ATP6V1B2: variants seen among roughly 807,000 people sequenced by gnomAD.
ATP6V1B2 encodes ATPase H+ transporting V1 subunit B2.
Under a neutral mutation model 66.7 loss-of-function variants are expected in ATP6V1B2, and 23 were observed. The ratio of observed to expected loss-of-function variants is 0.34; its 90% CI spans 0.25 to 0.49. The LOEUF is 0.49. Ranked by LOEUF, ATP6V1B2 falls within the 20% of genes least tolerant of loss-of-function variation. The probability of loss-of-function intolerance (pLI) is 0.99; values close to 1 mark genes in which losing one functional copy is unlikely to be tolerated. For synonymous variants in ATP6V1B2, 278 were observed against 236.7 expected, an observed-to-expected ratio of 1.17 and a Z score of -1.60; for missense variants, 478 against 650.8, an observed-to-expected ratio of 0.73 and a Z score of 2.89.
intron 1 of ATP6V1B2, among the ~76,000 whole-genome samples, chr8:20,203,079 T>G (rs1044206739): frequency 4.6e-5 from 7 of 152,296 alleles, no homozygotes; most frequent in African/African-American, 1.4e-4. Context: ...ATGGTTTTCA[T>G]AAAAGTGGCA....
intron 11 of ATP6V1B2, chr8:20,217,012 T>C (rs1179226621): frequency 5.5e-6 from 3 of 543,164 alleles, no homozygotes; most frequent in Non-Finnish European, 6.6e-6. Flanking sequence ...CTTTTTTGGA[T>C]TTGATTCTCG....
chr8:20,217,035 T>C, intron 11 of ATP6V1B2, 185 bp from the exon 12 acceptor site: 1 of 571,702 alleles, frequency 1.7e-6, no homozygotes, highest in South Asian at 2.1e-5. Flanking sequence ...AGAAATGCTA[T>C]GCTATAAAGT....
Position 20,197,475 on chromosome 8 carries a change from G to T in ATP6V1B2, c.69G>T (p.Gly23=). The T allele has an allele frequency of 6.6e-7, 1 of 1,519,390 alleles. No individual in the cohort carries two copies. Among genetic ancestry groups the T allele is most frequent in the Non-Finnish European group, 8.8e-7 (1 of 1,135,198 alleles). The allele number at this position is 1,519,390 out of a possible 1,614,324, so 94.1% of individuals were successfully genotyped here. A position where few individuals can be genotyped will look rare whatever the true frequency, so the allele number is the denominator to read the frequency against. Residue 23 remains glycine (G), a synonymous_variant, in exon 1 of 14, where the codon GGG becomes GGT. Coordinates refer to ENST00000276390, the MANE Select transcript of ATP6V1B2 (RefSeq NM_001693.4). ...CCGAGCTACCCGTGCCCACCGGTGG[G>T]CCGGCGGTGGGAGCTCGGGAGCAGG... ...AAPELPVPTG[G]PAVGAREQAL...
At position 20,217,252 on chromosome 8, in the gene ATP6V1B2, A is replaced by G. The variant is rs150784341; in HGVS notation, c.1194A>G (p.Leu398=). 1.0e-4 allele frequency: 167 copies of G among 1,613,368 alleles called. No homozygotes were observed. The African/African-American group carries it at 1.9e-3, about 18-fold the overall frequency. Residue 398 remains leucine (L), a synonymous_variant, in exon 12 of 14, where the codon CTA becomes CTG. Coordinates refer to ENST00000276390, the MANE Select transcript of ATP6V1B2 (RefSeq NM_001693.4). The stretch of plus-strand genomic sequence containing the variant: ...CACCTATCAATGTGCTGCCCTCACT[A>G]TCACGGTTAATGAAGTCTGCTATTG... ...IYPPINVLPS[L]SRLMKSAIGE...
rs1216774490 is a variant in ATP6V1B2 at position 20,210,361 on chromosome 8, T to G, written c.307T>G (p.Ser103Ala). The G allele has an allele frequency of 6.2e-7, 1 of 1,612,832 alleles. No homozygotes were observed. Among genetic ancestry groups the G allele is most frequent in the Non-Finnish European group, 8.5e-7 (1 of 1,179,414 alleles). Residue 103 changes from serine (S) to alanine (A), a missense_variant, in exon 4 of 14, where the codon TCA becomes GCA. Around this residue, in one of 2 missense-constraint regions of ATP6V1B2, gnomAD observed 326 missense variants for 545.6 expected, o/e 0.60. Transcript: ENST00000276390. Reference sequence around the variant, plus strand: ...TTCTTGATAGGTATTTGAAGGGACTTCAGGTATAGATGCTAAGAAAACGTC... The same window carrying G: ...TTCTTGATAGGTATTTGAAGGGACTGCAGGTATAGATGCTAAGAAAACGTC... ...KAVVQVFEGT[S>A]GIDAKKTSCE...
Position 20,197,460 on chromosome 8 carries a change from C to G in ATP6V1B2, c.54C>G (p.Pro18=), listed in dbSNP as rs542318325. The G allele has an allele frequency of 1.6e-5, 25 of 1,532,332 alleles. No homozygotes were observed. In the African/African-American group the frequency reaches 2.1e-4, roughly 13 times the overall value. The allele number at this position is 1,532,332 out of a possible 1,614,324, so 94.9% of individuals were successfully genotyped here. ...GIVNGAAPEL[P]VPTGGPAVGA... is the part of the protein sequence containing the mutation. ...TCAACGGGGCCGCACCCGAGCTACCCGTGCCCACCGGTGGGCCGGCGGTGG... is the reference window on the plus strand; with the variant it reads ...TCAACGGGGCCGCACCCGAGCTACCGGTGCCCACCGGTGGGCCGGCGGTGG... Residue 18 remains proline (P), a synonymous_variant, in exon 1 of 14, where the codon CCC becomes CCG. Transcript: ENST00000276390.
chr8:20,211,170 A>C lies in ATP6V1B2; in HGVS notation c.464-7A>C. ...TGTTGAAATTTTCCTTTTTGGAAAT[A>C]CATTAGGTCAGCCAATCAACCCTCA... On this transcript the variant is annotated splice_polypyrimidine_tract_variant and splice_region_variant and intron_variant, in intron 5 of 13. Coordinates refer to ENST00000276390, the MANE Select transcript of ATP6V1B2 (RefSeq NM_001693.4). 1 of 1,606,414 alleles carries C rather than the reference A, an allele frequency of 6.2e-7. No individual in the cohort carries two copies. Among genetic ancestry groups the C allele is most frequent in the Non-Finnish European group, 8.5e-7 (1 of 1,177,774 alleles).
intron 2 of ATP6V1B2, among the ~76,000 whole-genome samples, chr8:20,207,901 C>T (rs921269780): frequency 1.1e-4 from 16 of 152,072 alleles, no homozygotes; most frequent in African/African-American, 3.9e-4. Flanking sequence ...ATAAGCAATT[C>T]ATAGGAAATG....
intron 1 of ATP6V1B2, chr8:20,203,844 C>G (rs968702390): frequency 5.5e-6 from 2 of 366,618 alleles, no homozygotes; most frequent in Non-Finnish European, 1.1e-5. Flanking sequence ...TAAAAGGATC[C>G]TTTTCTTATC....
chr8:20,205,330 C>A (rs1172870474), intron 2 of ATP6V1B2, among the ~76,000 whole-genome samples: 1 of 152,072 alleles, frequency 6.6e-6, no homozygotes, highest in Non-Finnish European at 1.5e-5. Flanking sequence ...AAGTGCTGAG[C>A]CCAGTACAGA....
At chr8:20,217,347 G>A (rs1464714519) in intron 12 of ATP6V1B2, 23 bp downstream of exon 12, 1 of 1,579,460 alleles carries the variant, frequency 6.3e-7, no homozygotes, top group Admixed American at 1.7e-5. Flanking sequence ...TTCTAAGAAT[G>A]GTGTTTGAAA....
chr8:20,216,277 C>G, intron 10 of ATP6V1B2, 136 bp from the exon 11 acceptor site: 1 of 665,244 alleles, frequency 1.5e-6, no homozygotes, highest in Non-Finnish European at 2.6e-6. Flanking sequence ...CAGAAAATGA[C>G]TCTAAGAACA....
intron 7 of ATP6V1B2, 81 bp downstream of exon 7, chr8:20,211,834 A>T: frequency 8.6e-7 from 1 of 1,162,316 alleles, no homozygotes; most frequent in South Asian, 1.5e-5. Context: ...GTACATATAT[A>T]GTTGAATTTT....
chr8:20,204,050 C>T (rs556614825), intron 1 of ATP6V1B2: 21 of 452,366 alleles, frequency 4.6e-5, no homozygotes, highest in South Asian at 1.9e-4. Flanking sequence ...CTAAATGCTG[C>T]GTCCTCTATA....
chr8:20,210,995 G>A (rs1554545308), intron 5 of ATP6V1B2, among the ~76,000 whole-genome samples, 182 bp from the exon 6 acceptor site: 1 of 151,856 alleles, frequency 6.6e-6, no homozygotes, highest in Non-Finnish European at 1.5e-5. Flanking sequence ...AAAGAGTAAA[G>A]GAAAAAATTA....
rs2072907462 is a variant in ATP6V1B2 at position 20,221,595 on chromosome 8, G to C, written c.*1193G>C. On this transcript the variant is annotated 3_prime_UTR_variant, in exon 14 of 14. Transcript: ENST00000276390. ...TGTAAAGTTCTTCACTTTTTTCTCT[G>C]AGGGCTGGGGGTTGGGGGAGTCAGC... 6.6e-6 allele frequency: 1 copy of C among 152,524 alleles called. No homozygotes were observed. Among genetic ancestry groups the C allele is most frequent in the Non-Finnish European group, 1.5e-5 (1 of 68,014 alleles). The allele number at this position is 152,524 out of a possible 1,614,324, so 9.4% of individuals were successfully genotyped here.
At chr8:20,200,169 A>T (rs560019367) in intron 1 of ATP6V1B2, among the ~76,000 whole-genome samples, 3 of 151,360 alleles carry the variant, frequency 2.0e-5, no homozygotes, top group East Asian at 3.9e-4. Context: ...CGTCCAGCTA[A>T]TTTTTTTTAA....
At chr8:20,206,848 A>G (rs778175939) in intron 2 of ATP6V1B2, among the ~76,000 whole-genome samples, 13 of 152,206 alleles carry the variant, frequency 8.5e-5, no homozygotes, top group South Asian at 4.1e-4. Flanking sequence ...CTCACTCAGC[A>G]TCACTATCCA....
Position 20,218,308 on chromosome 8 carries a change from A to G in ATP6V1B2, c.1396+26A>G, listed in dbSNP as rs773524597. On this transcript the variant is annotated intron_variant, in intron 13 of 13. Coordinates refer to ENST00000276390, the MANE Select transcript of ATP6V1B2 (RefSeq NM_001693.4). ...GTAAGATGACTGTTGGCTTACAAAC[A>G]TAAAAAGCCTCATATGTAATTTTGA... is the stretch of plus-strand genomic sequence containing the variant. The G allele has an allele frequency of 1.4e-5, 23 of 1,604,032 alleles. No individual in the cohort carries two copies. In the African/African-American group the frequency reaches 2.8e-4, roughly 20 times the overall value.
Sources: gnomAD v4.1 joint callset for allele counts (sites outside exome capture counted in the v4.1 genomes callset) on GRCh38, gnomAD v4.1.1 for gene constraint, gnomAD v4.1.1 regional missense constraint, MANE v1.5 for transcripts, NCBI Gene and HGNC (gene_info 2026-07-23, HGNC 2026-07-21) for gene names.